PPP1R12A: variants seen among roughly 807,000 people sequenced by gnomAD.
The protein encoded by PPP1R12A is protein phosphatase 1 regulatory subunit 12A, also known as myosin binding subunit.
A neutral mutation model predicts 139.6 loss-of-function variants in PPP1R12A; 19 were observed. The ratio of observed to expected loss-of-function variants is 0.14; its 90% CI spans 0.09 to 0.20. PPP1R12A has a LOEUF of 0.20. Among genes scored for constraint, PPP1R12A ranks in the 10% least tolerant of loss-of-function variants. The pLI is 1.00. For missense variants in PPP1R12A, 925 were observed against 1,211.5 expected, an observed-to-expected ratio of 0.76 and a Z score of 3.51; for synonymous variants, 427 against 420.6, an observed-to-expected ratio of 1.02 and a Z score of -0.19.
At chr12:79,791,010 A>T (rs1270175970) in intron 19 of PPP1R12A, among the ~76,000 whole-genome samples, 1 of 152,180 alleles carries the variant, frequency 6.6e-6, no homozygotes, top group Admixed American at 6.5e-5. Flanking sequence ...ATGTTTTACT[A>T]AAGTCTGTAA....
intron 3 of PPP1R12A, among the ~76,000 whole-genome samples, chr12:79,842,243 C>A (rs1878809379): frequency 6.6e-6 from 1 of 152,098 alleles, no homozygotes; most frequent in Admixed American, 6.6e-5. Flanking sequence ...TCGCTAGGGT[C>A]TGGGAGGTTG....
At chr12:79,909,984 G>A (rs1173542687) in intron 1 of PPP1R12A, among the ~76,000 whole-genome samples, 1 of 151,858 alleles carries the variant, frequency 6.6e-6, no homozygotes, top group African/African-American at 2.4e-5. Context: ...ACAGGCCTGA[G>A]CCACCCCGCC....
chr12:79,908,941 T>C (rs1297693513), intron 1 of PPP1R12A, among the ~76,000 whole-genome samples: 1 of 152,198 alleles, frequency 6.6e-6, no homozygotes, highest in Non-Finnish European at 1.5e-5. Flanking sequence ...AGGAAGTTTC[T>C]GGAACACCCC....
At chr12:79,875,697 G>A (rs1218652256) in intron 1 of PPP1R12A, among the ~76,000 whole-genome samples, 4 of 152,104 alleles carry the variant, frequency 2.6e-5, no homozygotes, top group Non-Finnish European at 5.9e-5. Flanking sequence ...TGTATAAAAA[G>A]CCCAAGTTTA....
At chr12:79,891,014 G>A (rs572957421) in intron 1 of PPP1R12A, among the ~76,000 whole-genome samples, 2 of 150,942 alleles carry the variant, frequency 1.3e-5, no homozygotes, top group African/African-American at 2.4e-5. Context: ...TGGAAGAGAA[G>A]GGAAATTTTT....
rs756715640 is a variant in PPP1R12A, at chr12:79,795,013, C to G, written c.2583+625G>C. Among the ~76,000 whole-genome samples the G allele has an allele frequency of 1.6e-4, 24 of 152,018 alleles. 1 individual carries two copies. Among genetic ancestry groups the G allele is most frequent in the Non-Finnish European group, 3.4e-4 (23 of 67,966 alleles). On this transcript the variant is annotated intron_variant, in intron 18 of 24. Coordinates refer to ENST00000450142, the MANE Select transcript of PPP1R12A (RefSeq NM_002480.3). The stretch of plus-strand genomic sequence containing the variant: ...GGCAATCTACACTGCTGTTTTTATT[C>G]ATCATTCTGAGTGGTGATTACATAG...
rs761342474 is a variant in PPP1R12A at position 79,786,378 on chromosome 12, G to A, written c.2903C>T (p.Thr968Ile). Residue 968 changes from threonine to isoleucine, a missense_variant, in exon 22 of 25, where the codon ACC becomes ATC. Physicochemically the swap from Thr to Ile is moderately conservative, Grantham distance 89. Transcript: ENST00000450142. The part of the protein sequence containing the change: ...TDLKLQLEKA[T>I]QRQERFADRS... ...CAAAAAGAAAAGGGTACAAACCTGG[G>A]TGGCCTTTTCCAACTGTAATTTAAG... 4 of 1,536,624 alleles carry A rather than the reference G, an allele frequency of 2.6e-6. No individual in the cohort carries two copies. The highest frequency in any genetic ancestry group is 3.5e-6 in the Non-Finnish European group (4 of 1,133,736).
At chr12:79,849,395 GAA>G (rs5799444) in intron 2 of PPP1R12A, among the ~76,000 whole-genome samples, 30 of 150,278 alleles carry the variant, frequency 2.0e-4, no homozygotes, top group East Asian at 2.0e-3. Context: ...TCAAAGGGGG[GAA>G]AAAAAAAAGA....
intron 1 of PPP1R12A, among the ~76,000 whole-genome samples, chr12:79,926,270 C>T (rs1887834821): frequency 6.6e-6 from 1 of 152,252 alleles, no homozygotes; most frequent in South Asian, 2.1e-4. Flanking sequence ...ACTCCAACCT[C>T]TGCCTCTTGG....
chr12:79,893,402 C>T (rs771372280), intron 1 of PPP1R12A, among the ~76,000 whole-genome samples: 1 of 152,106 alleles, frequency 6.6e-6, no homozygotes, highest in Non-Finnish European at 1.5e-5. Context: ...ACATTCATCC[C>T]TTTTCTCCCC....
intron 5 of PPP1R12A, among the ~76,000 whole-genome samples, chr12:79,826,344 T>G (rs997860145): frequency 6.8e-6 from 1 of 146,818 alleles, no homozygotes; most frequent in Admixed American, 6.7e-5. Flanking sequence ...CGGGTTTTTT[T>G]TTTTTTTTTT....
At chr12:79,876,138 T>G (rs914694904) in intron 1 of PPP1R12A, among the ~76,000 whole-genome samples, 1 of 152,190 alleles carries the variant, frequency 6.6e-6, no homozygotes, top group African/African-American at 2.4e-5. Flanking sequence ...ACTCTCACCT[T>G]TTTGGTATTG....
chr12:79,833,096 C>G (rs533169882), intron 3 of PPP1R12A, among the ~76,000 whole-genome samples: 95 of 152,134 alleles, frequency 6.2e-4, no homozygotes, highest in African/African-American at 2.2e-3. Flanking sequence ...AAGCACTACC[C>G]TAGGTTGAGG....
In PPP1R12A at chr12:79,788,631, C is replaced by T; in HGVS notation, c.2802+17G>A. 3.2e-6 allele frequency: 5 copies of T among 1,586,140 alleles called. No individual in the cohort carries two copies. The South Asian group carries it at 5.8e-5, about 19-fold the overall frequency. ...AAAGATAACTTTTTATTAAATATAA[C>T]TAAATAACCCAAGTACCTTTTTAAA... On this transcript the variant is annotated intron_variant, in intron 21 of 24. Transcript: ENST00000450142.
At chr12:79,863,025 C>T (rs1474408631) in intron 2 of PPP1R12A, among the ~76,000 whole-genome samples, 1 of 151,952 alleles carries the variant, frequency 6.6e-6, no homozygotes, top group Non-Finnish European at 1.5e-5. Context: ...GTCAGGTTCA[C>T]CAAAGTTGAA....
intron 1 of PPP1R12A, among the ~76,000 whole-genome samples, chr12:79,902,976 A>AAAAAAAAATTCACACGTGTACGTGTAAG (rs1885781321): frequency 6.6e-6 from 1 of 152,160 alleles, no homozygotes; most frequent in African/African-American, 2.4e-5. Context: ...AAAGGTTAAA[A>AAAAAAAAATTCACACGTGTACGTGTAAG]AAAAAAAATT....
At chr12:79,780,659 TTAG>T (rs1347293928) in intron 23 of PPP1R12A, 3 of 152,170 alleles carry the variant, frequency 2.0e-5, no homozygotes, top group Non-Finnish European at 4.4e-5. Flanking sequence ...ATCTCAACCG[TTAG>T]TATAACAGAG....
chr12:79,914,045 G>A (rs891213221), intron 1 of PPP1R12A: 21 of 151,994 alleles, frequency 1.4e-4, no homozygotes, highest in African/African-American at 3.6e-4. Context: ...TTTTTGTTTC[G>A]TAAAATACAT....
intron 17 of PPP1R12A, 132 bp from the exon 18 acceptor site, chr12:79,795,891 CT>C: frequency 1.4e-6 from 1 of 739,550 alleles, no homozygotes; most frequent in Non-Finnish European, 2.0e-6. Flanking sequence ...GCTGCTACTA[CT>C]TAGCTCCAGC....
Sources: gnomAD v4.1 joint callset for allele counts (sites outside exome capture counted in the v4.1 genomes callset) on GRCh38, gnomAD v4.1.1 for gene constraint, MANE v1.5 for transcripts, NCBI Gene and HGNC (gene_info 2026-07-23, HGNC 2026-07-21) for gene names.